The following SPAG17 variants were observed in gnomAD, a reference collection of about 807,000 sequenced individuals.
SPAG17 encodes the protein sperm associated antigen 17, also known as sperm-associated antigen 17.
Under a neutral mutation model 273.6 loss-of-function variants are expected in SPAG17, and 169 were observed. The ratio of observed to expected loss-of-function variants is 0.62; its 90% CI spans 0.55 to 0.70. The LOEUF is 0.70. Among genes scored for constraint, SPAG17 ranks in the 30% least tolerant of loss-of-function variants. SPAG17 has a pLI of 0.00. For synonymous variants in SPAG17, 825 were observed against 873.2 expected, an observed-to-expected ratio of 0.94 and a Z score of 0.97; for missense variants, 2,557 against 2,627.8, an observed-to-expected ratio of 0.97 and a Z score of 0.59.
intron 3 of SPAG17, among the ~76,000 whole-genome samples, chr1:118,135,700 T>C (rs965512801): frequency 6.6e-6 from 1 of 152,192 alleles, no homozygotes; most frequent in African/African-American, 2.4e-5. Context: ...AGTAAACTTG[T>C]AAAACCTCAC....
intron 5 of SPAG17, among the ~76,000 whole-genome samples, chr1:118,101,053 C>A (rs1656034566): frequency 6.6e-6 from 1 of 152,184 alleles, no homozygotes; most frequent in Admixed American, 6.5e-5. Flanking sequence ...GCAGCACAGT[C>A]AACTGGCTAT....
chr1:118,061,574 T>TA (rs1466099843), intron 18 of SPAG17, among the ~76,000 whole-genome samples: 1 of 152,192 alleles, frequency 6.6e-6, no homozygotes, highest in Non-Finnish European at 1.5e-5. Flanking sequence ...TCATTAATAA[T>TA]ATGGTATTGT....
intron 43 of SPAG17, among the ~76,000 whole-genome samples, chr1:117,975,369 T>G (rs568396359): frequency 6.6e-6 from 1 of 152,348 alleles, no homozygotes; most frequent in South Asian, 2.1e-4. Context: ...TTTTTTGTTG[T>G]TGTTCAAGTG....
rs550865923 is a variant in SPAG17 at position 118,180,074 on chromosome 1, C to T, written c.87+4997G>A. On this transcript the variant is annotated intron_variant, in intron 1 of 48. Transcript: ENST00000336338. Reference sequence around the variant, plus strand: ...CTAATAGTAGAACTACCATATAATCCGGCAGTTCTGCTACTTGGTATATAG... The same window carrying T: ...CTAATAGTAGAACTACCATATAATCTGGCAGTTCTGCTACTTGGTATATAG... Among the ~76,000 whole-genome samples the T allele has an allele frequency of 8.6e-5, 13 of 152,014 alleles. No individual in the cohort carries two copies. The South Asian group carries it at 1.7e-3, about 19-fold the overall frequency.
At chr1:118,099,939 T>G in intron 5 of SPAG17, 139 bp from the exon 6 acceptor site, 1 of 662,108 alleles carries the variant, frequency 1.5e-6, no homozygotes, top group Non-Finnish European at 2.5e-6. Flanking sequence ...TTGGCTGGAA[T>G]GCAGTCATGT....
chr1:117,971,324 A>T (rs1476250279), intron 45 of SPAG17, among the ~76,000 whole-genome samples: 1 of 152,176 alleles, frequency 6.6e-6, no homozygotes, highest in Non-Finnish European at 1.5e-5. Context: ...ATATGGTGGG[A>T]CTCAGGAGAT....
At chr1:117,981,197 C>A in intron 43 of SPAG17, 73 bp downstream of exon 43, 1 of 1,451,506 alleles carries the variant, frequency 6.9e-7, no homozygotes, top group Non-Finnish European at 9.1e-7. Context: ...CGCCTCCTAG[C>A]GCCATCTCCC....
intron 1 of SPAG17, among the ~76,000 whole-genome samples, chr1:118,156,657 C>T (rs766305861): frequency 8.6e-4 from 131 of 152,284 alleles, no homozygotes; most frequent in Non-Finnish European, 1.7e-3. Context: ...GACTCACATC[C>T]AAATCTGCAT....
At chr1:117,977,242 A>G (rs1181176256) in intron 43 of SPAG17, among the ~76,000 whole-genome samples, 1 of 152,008 alleles carries the variant, frequency 6.6e-6, no homozygotes, top group Non-Finnish European at 1.5e-5. Context: ...AATTGCTTGA[A>G]CCCAGGAGGT....
intron 25 of SPAG17, among the ~76,000 whole-genome samples, chr1:118,030,992 T>C (rs1648392222): frequency 6.6e-6 from 1 of 152,102 alleles, no homozygotes; most frequent in Admixed American, 6.6e-5. Context: ...GTATTTCTGG[T>C]TCTAGGTCCT....
At chr1:118,039,171 G>A (rs973901488) in intron 23 of SPAG17, 121 bp downstream of exon 23, 2 of 1,048,738 alleles carry the variant, frequency 1.9e-6, no homozygotes, top group South Asian at 3.2e-5. Flanking sequence ...CTATTAATAA[G>A]AGAGTGTACT....
At chr1:118,151,532 C>T (rs10754369) in intron 1 of SPAG17, among the ~76,000 whole-genome samples, 163 bp from the exon 2 acceptor site, 7,312 of 152,314 alleles carry the variant, frequency 0.048, 354 homozygotes, top group East Asian at 0.25. Context: ...AGCCGCAAGG[C>T]GGCAGTATTG....
chr1:117,993,835 T>C (rs1459864200), intron 35 of SPAG17, among the ~76,000 whole-genome samples: 1 of 152,210 alleles, frequency 6.6e-6, no homozygotes, highest in Non-Finnish European at 1.5e-5. Flanking sequence ...ATGCAGGACT[T>C]CATTGATTCT....
chr1:118,070,804 G>A (rs1427579020), intron 17 of SPAG17, among the ~76,000 whole-genome samples: 1 of 152,174 alleles, frequency 6.6e-6, no homozygotes, highest in Admixed American at 6.5e-5. Context: ...AATTGAGTGT[G>A]TAATAGCACT....
chr1:118,081,456 T>C lies in SPAG17; in HGVS notation c.1949A>G (p.Tyr650Cys), dbSNP rs147750713. ...CTCTTGAGTATTCATTTTCATGACA[T>C]ATTGCTGCCTTATCTGTTTAGCAAA... ...ARFAKQIRQQYVMKMNTQEAK... is the reference protein window; with the variant it reads ...ARFAKQIRQQCVMKMNTQEAK... Residue 650 changes from tyrosine (Y) to cysteine (C), a missense_variant, in exon 14 of 49, where the codon TAT becomes TGT. Physicochemically the swap from Tyr to Cys is radical, Grantham distance 194. Transcript: ENST00000336338. 26 of 1,613,742 alleles carry C rather than the reference T, an allele frequency of 1.6e-5. No individual in the cohort carries two copies. Among genetic ancestry groups the C allele is most frequent in the African/African-American group, 5.3e-5 (4 of 74,858 alleles).
intron 29 of SPAG17, among the ~76,000 whole-genome samples, chr1:118,013,477 T>C (rs1659673127): frequency 6.6e-6 from 1 of 152,186 alleles, no homozygotes; most frequent in Admixed American, 6.5e-5. Flanking sequence ...GCATGAGCTC[T>C]GGGGTTAAGC....
Position 117,988,107 on chromosome 1 carries a change from C to G in SPAG17, c.5619G>C (p.Trp1873Cys), listed in dbSNP as rs776536755. 1 of 1,600,372 alleles carries G rather than the reference C, an allele frequency of 6.2e-7. No individual in the cohort carries two copies. Among genetic ancestry groups the G allele is most frequent in the East Asian group, 2.2e-5 (1 of 44,682 alleles). ...AACACATTATTGGATTAGCTTACCT[C>G]CATGTCTTTTCAAAGAAATCTTTAC... The part of the protein sequence containing the change: ...TFGKDFFEKT[W>C]RHTASSKRWK... Residue 1873 changes from tryptophan to cysteine, a missense_variant and splice_region_variant, in exon 39 of 49, where the codon TGG (tryptophan) becomes TGC (cysteine). Transcript: ENST00000336338.
intron 47 of SPAG17, 102 bp downstream of exon 47, chr1:117,966,507 A>G (rs1176373275): frequency 5.3e-6 from 6 of 1,127,078 alleles, no homozygotes; most frequent in East Asian, 2.6e-5. Flanking sequence ...GATTTTGAAG[A>G]TAGAATTAAT....
At chr1:118,168,099 T>C (rs1300683452) in intron 1 of SPAG17, among the ~76,000 whole-genome samples, 1 of 152,236 alleles carries the variant, frequency 6.6e-6, no homozygotes, top group Non-Finnish European at 1.5e-5. Context: ...ATTTTCTTTA[T>C]AAGTTATCCA....
Sources: gnomAD v4.1 joint callset for allele counts (sites outside exome capture counted in the v4.1 genomes callset) on GRCh38, gnomAD v4.1.1 for gene constraint, MANE v1.5 for transcripts, NCBI Gene and HGNC (gene_info 2026-07-23, HGNC 2026-07-21) for gene names.